FGD5: variants seen among roughly 807,000 people sequenced by gnomAD.
The protein encoded by FGD5 is FYVE, RhoGEF and PH domain containing 5.
FGD5 carries 28 observed loss-of-function variants against 133.4 expected under a neutral mutation model. The observed-to-expected ratio is 0.21, with a 90% CI of 0.16 to 0.29. The LOEUF is 0.29. Ranked by LOEUF, FGD5 falls within the 10% of genes least tolerant of loss-of-function variation. The pLI, the probability that FGD5 is intolerant of heterozygous loss-of-function variation, is 1.00. For missense variants in FGD5, 1,858 were observed against 1,895.2 expected (o/e 0.98, Z 0.36); for synonymous variants, 810 against 776.5 (o/e 1.04, Z -0.72).
At chr3:14,872,086 A>T (rs1207175402) in intron 2 of FGD5, among the ~76,000 whole-genome samples, 1 of 152,238 alleles carries the variant, frequency 6.6e-6, no homozygotes, top group Non-Finnish European at 1.5e-5. Context: ...ATGTGCAGCA[A>T]TCACCCAGTC....
intron 1 of FGD5, among the ~76,000 whole-genome samples, chr3:14,837,746 C>T (rs146702372): frequency 2.3e-3 from 351 of 152,270 alleles, no homozygotes; most frequent in African/African-American, 8.0e-3. Flanking sequence ...AGTCTCTAAG[C>T]GTGGAACTGG....
rs572118331 is a variant in FGD5, at chr3:14,920,905, A to T, written c.3570-1013A>T. On this transcript the variant is annotated intron_variant, in intron 13 of 19. Transcript: ENST00000285046. The stretch of plus-strand genomic sequence containing the variant: ...GGAAACCCAAAGGAGGGACTGCCCC[A>T]TCTGGAGGAGTGAGGGAATGCTTCC... 1.1e-4 allele frequency among the ~76,000 whole-genome samples: 17 copies of T among 152,332 alleles called. No individual in the cohort carries two copies. In the South Asian group the frequency reaches 3.1e-3, roughly 28 times the overall value.
chr3:14,825,385 A>G (rs1575189774), intron 1 of FGD5, among the ~76,000 whole-genome samples: 2 of 152,132 alleles, frequency 1.3e-5, no homozygotes, highest in Non-Finnish European at 2.9e-5. Flanking sequence ...CAGGAGGATC[A>G]CTTGAAGCCA....
intron 17 of FGD5, among the ~76,000 whole-genome samples, chr3:14,925,418 G>A (rs888192460): frequency 6.6e-6 from 1 of 151,966 alleles, no homozygotes; most frequent in African/African-American, 2.4e-5. Context: ...TTTTTACATT[G>A]CATTCCTCTT....
intron 1 of FGD5, among the ~76,000 whole-genome samples, chr3:14,860,729 C>G (rs2037381719): frequency 6.6e-6 from 1 of 152,002 alleles, no homozygotes; most frequent in Non-Finnish European, 1.5e-5. Flanking sequence ...ATTCCAGCTA[C>G]TGGGGATGCT....
At chr3:14,919,873 C>T (rs1192985017) in intron 13 of FGD5, among the ~76,000 whole-genome samples, 1 of 152,186 alleles carries the variant, frequency 6.6e-6, no homozygotes, top group Non-Finnish European at 1.5e-5. Context: ...GGGCTCCACA[C>T]CCATGGCCTC....
chr3:14,861,099 T>C (rs1336777686), intron 1 of FGD5, among the ~76,000 whole-genome samples: 2 of 152,092 alleles, frequency 1.3e-5, no homozygotes, highest in Non-Finnish European at 2.9e-5. Flanking sequence ...TGAGTTAACT[T>C]AAAGAAAACA....
At chr3:14,818,242 T>C (rs1194754958), upstream of FGD5, among the ~76,000 whole-genome samples, 1 of 152,190 alleles carries the variant, frequency 6.6e-6, no homozygotes, top group African/African-American at 2.4e-5. Flanking sequence ...GAAATTTGCA[T>C]GCCCATGAAA....
chr3:14,847,625 A>G (rs940819107), intron 1 of FGD5, among the ~76,000 whole-genome samples: 2 of 152,228 alleles, frequency 1.3e-5, no homozygotes, highest in African/African-American at 4.8e-5. Context: ...CTGTACTGTT[A>G]CTATCCCTGC....
rs2036437153 is a variant in FGD5 at position 14,819,463 on chromosome 3, T to C, written c.392T>C (p.Leu131Pro). The change falls in exon 1 of 20, where the codon CTG (leucine) becomes CCG (proline). Residue 131 changes from leucine to proline, a missense_variant. By Grantham distance (98) the Leu-to-Pro change is moderately conservative. This residue lies in a region of FGD5 where 1,824 missense variants were observed against 1,848.9 expected (regional missense o/e 0.99). Coordinates refer to ENST00000285046, the MANE Select transcript of FGD5 (RefSeq NM_152536.4). The surrounding 1 kb of genome is among the most constrained non-coding windows in gnomAD (Gnocchi z 4.1). ...CCTGCTGCTCCGGGTGCAGGAGCGC[T>C]GAGCAGGGAGGGTGAGGAAGGCACA... ...VAPAAPGAGALSREGEEGTDL... is the reference protein window; with the variant it reads ...VAPAAPGAGAPSREGEEGTDL... 2 of 1,550,768 alleles carry C rather than the reference T, an allele frequency of 1.3e-6. No homozygotes were observed. Among genetic ancestry groups the C allele is most frequent in the African/African-American group, 1.4e-5 (1 of 72,962 alleles).
At chr3:14,835,028 A>C (rs2036788539) in intron 1 of FGD5, among the ~76,000 whole-genome samples, 1 of 152,228 alleles carries the variant, frequency 6.6e-6, no homozygotes. Flanking sequence ...CACATGGCAG[A>C]GGAGGCAAAC....
In FGD5 at chr3:14,882,342, A is replaced by T. The variant is rs549033793; in HGVS notation, c.2748+1570A>T. On this transcript the variant is annotated intron_variant, in intron 4 of 19. Coordinates refer to ENST00000285046, the MANE Select transcript of FGD5 (RefSeq NM_152536.4). ...CCTGCTTCCTGCCAGTTGGAAAGAC[A>T]TTGAAGCCCCTGGTAATCCATAATA... 11 of 985,216 alleles carry T rather than the reference A, an allele frequency of 1.1e-5. No homozygotes were observed. In the Admixed American group the frequency reaches 6.8e-4, roughly 61 times the overall value. The allele number at this position is 985,216 out of a possible 1,614,324, so 61.0% of individuals were successfully genotyped here.
chr3:14,859,981 G>T (rs2037366432), intron 1 of FGD5, among the ~76,000 whole-genome samples: 2 of 152,258 alleles, frequency 1.3e-5, no homozygotes, highest in South Asian at 4.1e-4. Context: ...AGTATGCATT[G>T]GAAAGGGACA....
chr3:14,810,840 C>G, upstream of FGD5: 1 of 984,978 alleles, frequency 1.0e-6, no homozygotes, highest in Non-Finnish European at 1.2e-6. Flanking sequence ...GGCCCGGGCC[C>G]CGCGCGCTGA....
rs199676271 is a variant in FGD5 at position 14,907,676 on chromosome 3, G to T, written c.3301G>T (p.Val1101Phe). 1.3e-4 allele frequency: 206 copies of T among 1,613,600 alleles called. No individual in the cohort carries two copies. The highest frequency in any genetic ancestry group is 1.5e-4 in the Non-Finnish European group (182 of 1,179,720). ...GAAGCTGGTCCACATTGAGCACAGC[G>T]TCCGGGGCCAAGGGGATCTCCTCCA... The part of the protein sequence containing the change: ...LQKLVHIEHS[V>F]RGQGDLLQPG... Residue 1101 changes from valine (V) to phenylalanine (F), a missense_variant, in exon 10 of 20, where the codon GTC becomes TTC. Val to Phe is a conservative substitution (Grantham distance 50). This residue lies in a region of FGD5 where 1,824 missense variants were observed against 1,848.9 expected (regional missense o/e 0.99). Coordinates refer to ENST00000285046, the MANE Select transcript of FGD5 (RefSeq NM_152536.4).
chr3:14,888,580 T>G (rs2037967215), intron 4 of FGD5, among the ~76,000 whole-genome samples: 1 of 152,224 alleles, frequency 6.6e-6, no homozygotes, highest in Admixed American at 6.5e-5. Flanking sequence ...AAAATATGCA[T>G]TCTTTTTTTA....
At chr3:14,840,134 T>A (rs1207088870) in intron 1 of FGD5, among the ~76,000 whole-genome samples, 2 of 129,118 alleles carry the variant, frequency 1.5e-5, no homozygotes, top group Non-Finnish European at 1.6e-5. Flanking sequence ...ACATTTACAT[T>A]TATGTTTCTT....
chr3:14,819,864 G>A lies in FGD5; in HGVS notation c.793G>A (p.Ala265Thr). The A allele has an allele frequency of 1.9e-6, 3 of 1,613,302 alleles. No homozygotes were observed. The highest frequency in any genetic ancestry group is 2.5e-6 in the Non-Finnish European group (3 of 1,179,644). ...EKEELAGVQE[A>T]ETATDCPEVL... is the part of the protein sequence containing the mutation. ...GGAGGAGCTGGCCGGGGTCCAGGAG[G>A]CAGAGACAGCCACAGACTGCCCTGA... The change falls in exon 1 of 20, where the codon GCA becomes ACA. Residue 265 changes from alanine to threonine, a missense_variant. Coordinates refer to ENST00000285046, the MANE Select transcript of FGD5 (RefSeq NM_152536.4). The surrounding 1 kb of genome is among the most constrained non-coding windows in gnomAD (Gnocchi z 4.1).
intron 1 of FGD5, among the ~76,000 whole-genome samples, chr3:14,845,133 C>T (rs928854298): frequency 3.3e-5 from 5 of 152,192 alleles, no homozygotes; most frequent in Non-Finnish European, 4.4e-5. Flanking sequence ...TCTTCTGTCA[C>T]CTGTACATGC....
Sources: gnomAD v4.1 joint callset for allele counts (sites outside exome capture counted in the v4.1 genomes callset) on GRCh38, gnomAD v4.1.1 for gene constraint, gnomAD v4.1.1 regional missense constraint, Gnocchi (gnomAD v3.1) non-coding constraint, MANE v1.5 for transcripts, NCBI Gene and HGNC (gene_info 2026-07-23, HGNC 2026-07-21) for gene names.